Variants in KCNQ3 observed in about 807,000 individuals in gnomAD.
KCNQ3 encodes the protein potassium voltage-gated channel subfamily KQT member 3.
KCNQ3 carries 30 observed loss-of-function variants against 92.5 expected under a neutral mutation model. That is an observed-to-expected ratio of 0.32 (90% CI 0.24 to 0.44). The LOEUF (loss-of-function observed/expected upper bound fraction) is 0.44, where lower values mean the gene tolerates loss of function less well. Among genes scored for constraint, KCNQ3 ranks in the 20% least tolerant of loss-of-function variants. The pLI, the probability that KCNQ3 is intolerant of heterozygous loss-of-function variation, is 1.00. For synonymous variants in KCNQ3, 450 were observed against 468.8 expected (o/e 0.96, Z 0.52); for missense variants, 913 against 1,140.3 (o/e 0.80, Z 2.87).
intron 1 of KCNQ3, among the ~76,000 whole-genome samples, chr8:132,472,894 A>C (rs1484720131): frequency 6.6e-6 from 1 of 152,216 alleles, no homozygotes; most frequent in Non-Finnish European, 1.5e-5. Flanking sequence ...TACATACATT[A>C]TCCATCAATT....
intron 12 of KCNQ3, among the ~76,000 whole-genome samples, chr8:132,137,526 A>G (rs566506275): frequency 6.6e-6 from 1 of 152,344 alleles, no homozygotes; most frequent in South Asian, 2.1e-4. Flanking sequence ...ATTTTTAAAT[A>G]TGGTAAAGAA....
chr8:132,308,387 G>C (rs1283832382), intron 1 of KCNQ3, among the ~76,000 whole-genome samples: 1 of 152,172 alleles, frequency 6.6e-6, no homozygotes, highest in Non-Finnish European at 1.5e-5. Context: ...ATGGAGGGCA[G>C]GGGGAGCCCA....
At chr8:132,180,352 T>C (rs764372268) in intron 3 of KCNQ3, 23 bp from the exon 4 acceptor site, 40 of 1,612,026 alleles carry the variant, frequency 2.5e-5, no homozygotes, top group African/African-American at 5.4e-5. Context: ...ACAGACAGAG[T>C]GGGAGGGAAG....
chr8:132,456,530 TG>T (rs1821943814), intron 1 of KCNQ3, among the ~76,000 whole-genome samples: 1 of 152,134 alleles, frequency 6.6e-6, no homozygotes, highest in South Asian at 2.1e-4. Flanking sequence ...TTTGAAATGA[TG>T]TATGTGGGTA....
At chr8:132,207,745 C>G in intron 1 of KCNQ3, among the ~76,000 whole-genome samples, 1 of 151,816 alleles carries the variant, frequency 6.6e-6, no homozygotes, top group East Asian at 1.9e-4. Context: ...CTACAAATGG[C>G]CCCACTGTTT....
intron 1 of KCNQ3, among the ~76,000 whole-genome samples, chr8:132,398,408 C>A (rs1271268406): frequency 1.3e-5 from 2 of 152,126 alleles, no homozygotes; most frequent in Non-Finnish European, 2.9e-5. Context: ...AAGAAACCAA[C>A]TTACACTGGC....
chr8:132,443,320 C>T (rs989149006), intron 1 of KCNQ3, among the ~76,000 whole-genome samples: 1 of 151,602 alleles, frequency 6.6e-6, no homozygotes, highest in South Asian at 2.1e-4. Flanking sequence ...TTGTTCACCG[C>T]TAAAGGCACC....
At chr8:132,183,333 T>C (rs1044819454) in intron 3 of KCNQ3, among the ~76,000 whole-genome samples, 2 of 151,922 alleles carry the variant, frequency 1.3e-5, no homozygotes, top group Non-Finnish European at 2.9e-5. Flanking sequence ...GGAGTTAAAA[T>C]GAGATAAATG....
At chr8:132,327,742 A>G (rs1818100786) in intron 1 of KCNQ3, among the ~76,000 whole-genome samples, 1 of 152,192 alleles carries the variant, frequency 6.6e-6, no homozygotes, top group African/African-American at 2.4e-5. Context: ...CTGTATGAGC[A>G]TGAAGAGGCC....
chr8:132,130,717 T>A (rs577211871), intron 14 of KCNQ3, among the ~76,000 whole-genome samples: 43 of 152,194 alleles, frequency 2.8e-4, no homozygotes, highest in Non-Finnish European at 4.9e-4. Context: ...TTCTACATGG[T>A]GATTTAAGCC....
chr8:132,340,601 G>A (rs1459161636), intron 1 of KCNQ3, among the ~76,000 whole-genome samples: 1 of 152,038 alleles, frequency 6.6e-6, no homozygotes, highest in Non-Finnish European at 1.5e-5. Flanking sequence ...TCACACACCA[G>A]GGCCTATTGG....
chr8:132,133,040 A>C (rs904005701), intron 13 of KCNQ3, among the ~76,000 whole-genome samples: 1 of 152,198 alleles, frequency 6.6e-6, no homozygotes, highest in Non-Finnish European at 1.5e-5. Context: ...CTGGTGGTCC[A>C]TGTGCTAAAT....
At chr8:132,337,740 C>T (rs1420212719) in intron 1 of KCNQ3, among the ~76,000 whole-genome samples, 1 of 152,092 alleles carries the variant, frequency 6.6e-6, no homozygotes, top group Non-Finnish European at 1.5e-5. Flanking sequence ...TGCATTTGCC[C>T]TCAATGTGAG....
At chr8:132,276,404 G>T (rs1344331671) in intron 1 of KCNQ3, among the ~76,000 whole-genome samples, 1 of 152,052 alleles carries the variant, frequency 6.6e-6, no homozygotes. Flanking sequence ...GAAACATCCA[G>T]GGCAGGCTCT....
At chr8:132,451,632 T>C (rs1276876632) in intron 1 of KCNQ3, among the ~76,000 whole-genome samples, 2 of 152,116 alleles carry the variant, frequency 1.3e-5, no homozygotes, top group East Asian at 1.9e-4. Flanking sequence ...TAAACAGAAA[T>C]GTAGGTGCAG....
chr8:132,323,063 C>T (rs149687594), intron 1 of KCNQ3, among the ~76,000 whole-genome samples: 35 of 152,282 alleles, frequency 2.3e-4, no homozygotes, highest in African/African-American at 6.5e-4. Context: ...CTGCCCATCA[C>T]GGATCCGGGA....
intron 1 of KCNQ3, among the ~76,000 whole-genome samples, chr8:132,376,878 C>A (rs1176691529): frequency 1.3e-5 from 2 of 152,256 alleles, no homozygotes; most frequent in Admixed American, 6.5e-5. Flanking sequence ...CTGTGCTAAT[C>A]CCCTCCACCA....
rs531060126 is a variant in KCNQ3, at chr8:132,456,003, C to T, written c.386+24144G>A. Among the ~76,000 whole-genome samples the T allele has an allele frequency of 6.6e-5, 10 of 152,200 alleles. 1 individual carries two copies. In the South Asian group the frequency reaches 2.1e-3, roughly 32 times the overall value. On this transcript the variant is annotated intron_variant, in intron 1 of 14. Coordinates refer to ENST00000388996, the MANE Select transcript of KCNQ3 (RefSeq NM_004519.4). ...CTCGTGATCCGCCCACCTCCGCCTC[C>T]CAAAGTGCTGGGATTACAGGCATGA... is the stretch of plus-strand genomic sequence containing the variant.
intron 1 of KCNQ3, among the ~76,000 whole-genome samples, chr8:132,290,098 T>C (rs750099741): frequency 1.1e-4 from 17 of 152,196 alleles, no homozygotes; most frequent in Non-Finnish European, 1.9e-4. Context: ...AGCTCATCCA[T>C]GAAAATTATC....
Sources: allele counts gnomAD v4.1 joint callset (sites outside exome capture counted in the v4.1 genomes callset), GRCh38; gene constraint gnomAD v4.1.1; transcripts MANE v1.5; gene names NCBI Gene and HGNC (gene_info 2026-07-23, HGNC 2026-07-21).